Variants in RTN4RL1 observed in about 807,000 individuals in gnomAD.
The protein encoded by RTN4RL1 is reticulon-4 receptor-like 1.
A neutral mutation model predicts 25.6 loss-of-function variants in RTN4RL1; 7 were observed. The ratio of observed to expected loss-of-function variants is 0.27; its 90% confidence interval spans 0.16 to 0.51. The LOEUF (loss-of-function observed/expected upper bound fraction) is 0.51. Among genes scored for constraint, RTN4RL1 ranks in the 20% least tolerant of loss-of-function variants. The probability of loss-of-function intolerance (pLI) is 0.97; values close to 1 mark genes in which losing one functional copy is unlikely to be tolerated. For missense variants in RTN4RL1, 500 were observed against 615.6 expected (o/e 0.81, Z 1.99); for synonymous variants, 297 against 288.2 (o/e 1.03, Z -0.31).
intron 1 of RTN4RL1, chr17:2,023,712 G>T (rs1246620314): frequency 7.9e-6 from 1 of 126,062 alleles, no homozygotes; most frequent in Non-Finnish European, 1.6e-5. Context: ...CCCCGTGCGC[G>T]TTTTCTCCTT....
chr17:1,964,115 A>G (rs556745011), intron 1 of RTN4RL1, among the ~76,000 whole-genome samples: 4 of 152,212 alleles, frequency 2.6e-5, no homozygotes, highest in Non-Finnish European at 5.9e-5. Context: ...CCTCCGGAAC[A>G]GTCTGGGGCT....
chr17:2,025,001 C>A lies in RTN4RL1; in HGVS notation c.-136G>T, dbSNP rs980534845. 9 of 921,894 alleles carry A rather than the reference C, an allele frequency of 9.8e-6. No homozygotes were observed. The African/African-American group carries it at 1.2e-4, about 13-fold the overall frequency. 57.1% of individuals were successfully genotyped at this position (921,894 alleles called of 1,614,324 possible). ...GGCAAGCCGGGGATCCGCTCGTGCC[C>A]GGTGGCCCGGCCCCGCAGGGGCATG... On this transcript the variant is annotated 5_prime_UTR_variant, in exon 1 of 2. Coordinates refer to ENST00000331238, the MANE Select transcript of RTN4RL1 (RefSeq NM_178568.4). The surrounding 1 kb of genome is among the most constrained non-coding windows in gnomAD (Gnocchi z 4.8).
intron 1 of RTN4RL1, among the ~76,000 whole-genome samples, chr17:2,002,394 G>A (rs1422849722): frequency 3.3e-5 from 5 of 150,848 alleles, no homozygotes; most frequent in African/African-American, 7.3e-5. Flanking sequence ...CCGGGTTCAC[G>A]CCATTCTCCT....
intron 1 of RTN4RL1, among the ~76,000 whole-genome samples, chr17:1,990,215 C>T (rs1053221700): frequency 4.6e-5 from 7 of 151,808 alleles, no homozygotes; most frequent in African/African-American, 1.7e-4. Context: ...AAAAATTAGC[C>T]GGGCATGGTG....
chr17:2,023,872 G>C (rs1410417942), intron 1 of RTN4RL1, among the ~76,000 whole-genome samples: 5 of 152,204 alleles, frequency 3.3e-5, no homozygotes. Flanking sequence ...CCGCAGGGCC[G>C]GGGCAGCCAG....
At position 1,935,550 on chromosome 17, in the gene RTN4RL1, C is replaced by T. The variant is rs945148319; in HGVS notation, c.*946G>A. 13 of 985,410 alleles carry T rather than the reference C, an allele frequency of 1.3e-5. No individual in the cohort carries two copies. The highest frequency in any genetic ancestry group is 1.2e-4 in the African/African-American group (7 of 57,154). 61.0% of individuals were successfully genotyped at this position (985,410 alleles called of 1,614,324 possible). A position where few individuals can be genotyped will look rare whatever the true frequency, so the allele number is the denominator to read the frequency against. The stretch of plus-strand genomic sequence containing the variant: ...CAAGGCCAGGTCCCTTGGAGACTAT[C>T]GTTGCCAGTTTGGGATTCTAGACAA... On this transcript the variant is annotated 3_prime_UTR_variant, in exon 2 of 2. Transcript: ENST00000331238.
chr17:1,957,878 A>G (rs1342131666), intron 1 of RTN4RL1, among the ~76,000 whole-genome samples: 1 of 149,818 alleles, frequency 6.7e-6, no homozygotes. Flanking sequence ...ACAAACGAAC[A>G]AACAAACAAA....
At chr17:1,981,623 T>A (rs1378161313) in intron 1 of RTN4RL1, among the ~76,000 whole-genome samples, 1 of 151,980 alleles carries the variant, frequency 6.6e-6, no homozygotes, top group African/African-American at 2.4e-5. Flanking sequence ...CTCACACGAG[T>A]CACTGCCTCC....
intron 1 of RTN4RL1, among the ~76,000 whole-genome samples, chr17:1,999,093 A>C (rs1458516573): frequency 2.7e-5 from 1 of 36,546 alleles, no homozygotes; most frequent in African/African-American, 1.9e-4. Context: ...CACATGCGCG[A>C]TCACACACAC....
chr17:1,943,703 C>A (rs1252246120), intron 1 of RTN4RL1, among the ~76,000 whole-genome samples: 1 of 152,214 alleles, frequency 6.6e-6, no homozygotes, highest in Non-Finnish European at 1.5e-5. Flanking sequence ...ATGCTGCACC[C>A]AAGCACAGGC....
intron 1 of RTN4RL1, among the ~76,000 whole-genome samples, chr17:2,005,146 C>T (rs931546054): frequency 3.5e-4 from 53 of 152,176 alleles, no homozygotes; most frequent in Non-Finnish European, 7.2e-4. Context: ...GCTGGGACTA[C>T]GGGTGCACAC....
At chr17:1,948,561 G>A (rs546400162) in intron 1 of RTN4RL1, among the ~76,000 whole-genome samples, 1 of 152,232 alleles carries the variant, frequency 6.6e-6, no homozygotes, top group African/African-American at 2.4e-5. Flanking sequence ...AGGCAGACAG[G>A]CAGACACAGG....
At chr17:1,953,510 A>G (rs1160793815) in intron 1 of RTN4RL1, among the ~76,000 whole-genome samples, 1 of 152,130 alleles carries the variant, frequency 6.6e-6, no homozygotes, top group Non-Finnish European at 1.5e-5. Flanking sequence ...TATGTAACAA[A>G]CCTGCACGTT....
At chr17:1,980,924 C>A (rs2066864418) in intron 1 of RTN4RL1, among the ~76,000 whole-genome samples, 1 of 25,688 alleles carries the variant, frequency 3.9e-5, no homozygotes, top group Non-Finnish European at 7.7e-5. Flanking sequence ...GAGATTCTAT[C>A]TCAAAAAAAA....
chr17:2,017,417 CT>C (rs1424009677), intron 1 of RTN4RL1, among the ~76,000 whole-genome samples: 1 of 152,180 alleles, frequency 6.6e-6, no homozygotes, highest in African/African-American at 2.4e-5. Flanking sequence ...CACCCACCCC[CT>C]GTGAGGGCGA....
At chr17:2,014,951 AAGGACATGGC>A (rs559265702) in intron 1 of RTN4RL1, among the ~76,000 whole-genome samples, 166 of 152,124 alleles carry the variant, frequency 1.1e-3, no homozygotes, top group African/African-American at 3.8e-3. Flanking sequence ...GGCCAGGGGG[AAGGACATGGC>A]AGGCCATTCC....
chr17:1,936,781 G>C lies in RTN4RL1; in HGVS notation c.1041C>G (p.Pro347=), dbSNP rs368348129. The C allele has an allele frequency of 1.9e-5, 30 of 1,589,812 alleles. No homozygotes were observed. The highest frequency in any genetic ancestry group is 2.6e-5 in the Non-Finnish European group (30 of 1,169,712). The part of the protein sequence containing the change: ...RSKGHPHGPR[P]GHRKPGKNCT... ...AGTTCTTCCCCGGCTTCCTGTGGCCGGGCCGGGGGCCGTGCGGGTGGCCCT... is the reference window on the plus strand; with the variant it reads ...AGTTCTTCCCCGGCTTCCTGTGGCCCGGCCGGGGGCCGTGCGGGTGGCCCT... The change falls in exon 2 of 2, where the codon CCC becomes CCG. Residue 347 remains proline (P), a synonymous_variant. Transcript: ENST00000331238.
chr17:1,971,834 C>A (rs369792278), intron 1 of RTN4RL1, among the ~76,000 whole-genome samples: 97 of 151,790 alleles, frequency 6.4e-4, no homozygotes, highest in African/African-American at 2.0e-3. Flanking sequence ...TGGTGGCGGG[C>A]GCCTGTAGTC....
At chr17:1,959,664 A>T (rs1469428229) in intron 1 of RTN4RL1, among the ~76,000 whole-genome samples, 2 of 152,094 alleles carry the variant, frequency 1.3e-5, no homozygotes, top group Non-Finnish European at 2.9e-5. Context: ...TCCCATGTTC[A>T]AACGATTCTC....
Sources: gnomAD v4.1 joint callset for allele counts (sites outside exome capture counted in the v4.1 genomes callset) on GRCh38, gnomAD v4.1.1 for gene constraint, Gnocchi (gnomAD v3.1) non-coding constraint, MANE v1.5 for transcripts, NCBI Gene and HGNC (gene_info 2026-07-23, HGNC 2026-07-21) for gene names.